The following ITSN1 variants were observed in gnomAD, a reference collection of about 807,000 sequenced individuals.
The protein encoded by ITSN1 is intersectin 1, also known as intersectin-1.
In ITSN1, 58 loss-of-function variants were observed where a neutral mutation model predicts 239.8. The observed-to-expected ratio is 0.24, with a 90% CI of 0.20 to 0.30. The LOEUF (loss-of-function observed/expected upper bound fraction) is 0.30. Among genes scored for constraint, ITSN1 ranks in the 10% least tolerant of loss-of-function variants. The probability of loss-of-function intolerance (pLI) is 1.00; values close to 1 mark genes in which losing one functional copy is unlikely to be tolerated. For missense variants in ITSN1, 1,558 were observed against 2,103.3 expected, an observed-to-expected ratio of 0.74 and a Z score of 5.07; for synonymous variants, 780 against 770.8, an observed-to-expected ratio of 1.01 and a Z score of -0.20.
chr21:33,856,671 C>T (rs950065857), intron 29 of ITSN1, 65 bp from the exon 30 acceptor site: 3 of 1,607,186 alleles, frequency 1.9e-6, no homozygotes, highest in East Asian at 2.2e-5. Context: ...CGAGGATCTT[C>T]CGTGTGAAGT....
chr21:33,647,220 A>G (rs892492846), intron 1 of ITSN1, among the ~76,000 whole-genome samples: 23 of 152,218 alleles, frequency 1.5e-4, no homozygotes, highest in Non-Finnish European at 2.5e-4. Flanking sequence ...TGGTAGAAAA[A>G]TTGAAATACA....
chr21:33,871,803 G>T (rs949624937), intron 33 of ITSN1, among the ~76,000 whole-genome samples: 1 of 152,126 alleles, frequency 6.6e-6, no homozygotes, highest in Non-Finnish European at 1.5e-5. Context: ...TAGGCAGTAT[G>T]GAATAGCAGT....
intron 1 of ITSN1, among the ~76,000 whole-genome samples, chr21:33,644,202 G>C (rs1346706039): frequency 1.3e-5 from 2 of 152,158 alleles, no homozygotes; most frequent in African/African-American, 2.4e-5. Flanking sequence ...TTACTGGTGT[G>C]CTTGAAACGT....
At chr21:33,856,622 C>T (rs1979393519) in intron 29 of ITSN1, 114 bp from the exon 30 acceptor site, 4 of 1,464,534 alleles carry the variant, frequency 2.7e-6, no homozygotes, top group Non-Finnish European at 1.9e-6. Flanking sequence ...AGCCCATGAC[C>T]CCACTGGACT....
intron 29 of ITSN1, among the ~76,000 whole-genome samples, chr21:33,841,855 T>C (rs570108287): frequency 6.6e-6 from 1 of 151,978 alleles, no homozygotes; most frequent in Non-Finnish European, 1.5e-5. Context: ...CGGGGTCTGG[T>C]AGGATAGGGA....
chr21:33,802,593 T>C, intron 20 of ITSN1, 149 bp downstream of exon 20: 1 of 620,392 alleles, frequency 1.6e-6, no homozygotes, highest in Non-Finnish European at 2.8e-6. Flanking sequence ...TTGTGCTTTT[T>C]AAAAAAAAAG....
intron 1 of ITSN1, among the ~76,000 whole-genome samples, chr21:33,679,079 T>G (rs1401148717): frequency 1.3e-5 from 2 of 152,228 alleles, no homozygotes; most frequent in Non-Finnish European, 2.9e-5. Flanking sequence ...TACCATAGAT[T>G]GTTTTATCCT....
intron 20 of ITSN1, among the ~76,000 whole-genome samples, chr21:33,808,847 G>T (rs2072675430): frequency 6.6e-6 from 1 of 152,116 alleles, no homozygotes; most frequent in Non-Finnish European, 1.5e-5. Flanking sequence ...GTTATTGTGT[G>T]TTTGGCTCAA....
chr21:33,845,072 G>A (rs1461851347), intron 29 of ITSN1, among the ~76,000 whole-genome samples: 12 of 151,956 alleles, frequency 7.9e-5, no homozygotes, highest in East Asian at 1.9e-4. Flanking sequence ...TCATAGGGCC[G>A]TGCTCAGCAG....
intron 28 of ITSN1, among the ~76,000 whole-genome samples, chr21:33,834,672 T>C (rs2074498480): frequency 6.6e-6 from 1 of 152,228 alleles, no homozygotes; most frequent in African/African-American, 2.4e-5. Flanking sequence ...GCAGGAGTCA[T>C]GAATGCTGTG....
chr21:33,876,194 T>G (rs1983834900), intron 34 of ITSN1, among the ~76,000 whole-genome samples: 1 of 142,040 alleles, frequency 7.0e-6, no homozygotes, highest in Admixed American at 7.0e-5. Flanking sequence ...TCCTTCTCTC[T>G]TTCTCCTTCC....
chr21:33,705,634 C>T (rs1390247660), intron 1 of ITSN1, among the ~76,000 whole-genome samples: 7 of 152,096 alleles, frequency 4.6e-5, no homozygotes, highest in Non-Finnish European at 8.8e-5. Flanking sequence ...CCTCATGATC[C>T]GCCCGCCTCA....
chr21:33,677,782 A>G (rs752692788), intron 1 of ITSN1, among the ~76,000 whole-genome samples: 1 of 152,168 alleles, frequency 6.6e-6, no homozygotes, highest in Non-Finnish European at 1.5e-5. Flanking sequence ...CCACCACTTT[A>G]TATCTACTCC....
intron 1 of ITSN1, among the ~76,000 whole-genome samples, chr21:33,662,081 C>T (rs2089602797): frequency 6.6e-6 from 1 of 152,022 alleles, no homozygotes; most frequent in African/African-American, 2.4e-5. Flanking sequence ...ATGCTGTATC[C>T]CTGTTGACCT....
At chr21:33,744,469 T>C (rs2067062196) in intron 5 of ITSN1, among the ~76,000 whole-genome samples, 1 of 152,164 alleles carries the variant, frequency 6.6e-6, no homozygotes, top group Admixed American at 6.5e-5. Context: ...TATCCATCTA[T>C]TTGTCTCCTA....
At chr21:33,838,109 G>A in intron 29 of ITSN1, 1 of 985,680 alleles carries the variant, frequency 1.0e-6, no homozygotes, top group Non-Finnish European at 1.2e-6. Flanking sequence ...CCGTTTGTGT[G>A]TTAGATATGC....
At chr21:33,829,298 A>AT (rs2074153741) in intron 26 of ITSN1, 3 of 350,560 alleles carry the variant, frequency 8.6e-6, no homozygotes, top group Non-Finnish European at 1.6e-5. Context: ...ATTCTGGGTA[A>AT]TTATGGGAGG....
intron 27 of ITSN1, among the ~76,000 whole-genome samples, chr21:33,832,227 TC>T (rs1470471444): frequency 1.3e-5 from 2 of 152,144 alleles, no homozygotes; most frequent in Non-Finnish European, 1.5e-5. Flanking sequence ...CTCTCCACTT[TC>T]GCAAGAGCTG....
Position 33,799,312 on chromosome 21 carries a change from A to G in ITSN1, c.2183-496A>G, listed in dbSNP as rs115802809. 2.7e-3 allele frequency among the ~76,000 whole-genome samples: 413 copies of G among 152,336 alleles called. 2 individuals are homozygous for G. The highest frequency in any genetic ancestry group is 9.3e-3 in the African/African-American group (386 of 41,560). On this transcript the variant is annotated intron_variant, in intron 18 of 39. Coordinates refer to ENST00000381318, the MANE Select transcript of ITSN1 (RefSeq NM_003024.3). ...TAACCAAAATCAGCACTTAGTTTTTATATGACCAGGTTAAAGAGCCTAAAA... is the reference window on the plus strand; with the variant it reads ...TAACCAAAATCAGCACTTAGTTTTTGTATGACCAGGTTAAAGAGCCTAAAA...
Sources: allele counts gnomAD v4.1 joint callset (sites outside exome capture counted in the v4.1 genomes callset), GRCh38; gene constraint gnomAD v4.1.1; transcripts MANE v1.5; gene names NCBI Gene and HGNC (gene_info 2026-07-23, HGNC 2026-07-21).